UBXN11: variants seen among roughly 807,000 people sequenced by gnomAD.
UBXN11 encodes the protein UBX domain protein 11, also known as UBX domain-containing protein 11.
A neutral mutation model predicts 62.8 loss-of-function variants in UBXN11; 47 were observed. The observed-to-expected ratio is 0.75, with a 90% CI of 0.59 to 0.95. The LOEUF (loss-of-function observed/expected upper bound fraction) is 0.95. Among genes scored for constraint, UBXN11 ranks in the 40% least tolerant of loss-of-function variants. The pLI is 0.00. For missense variants in UBXN11, 638 were observed against 661.7 expected (o/e 0.96, Z 0.39); for synonymous variants, 294 against 267.0 (o/e 1.10, Z -0.99).
chr1:26,284,436 G>A lies in UBXN11; in HGVS notation c.899C>T (p.Pro300Leu). ...CACCACACGGCCCTCGCCTGGGAAG[G>A]GGTCCAGTCCATCCTCCAGGTAGAC... ...NQVYLEDGLD[P>L]FPGEGRVVGR... Residue 300 changes from proline (P) to leucine (L), a missense_variant, in exon 11 of 15, where the codon CCC (proline) becomes CTC (leucine). Transcript: ENST00000374222. The A allele has an allele frequency of 6.2e-7, 1 of 1,613,728 alleles. No individual in the cohort carries two copies. Among genetic ancestry groups the A allele is most frequent in the Admixed American group, 1.7e-5 (1 of 59,964 alleles).
chr1:26,297,599 C>T (rs2073424789), intron 5 of UBXN11, 118 bp from the exon 6 acceptor site: 1 of 1,243,382 alleles, frequency 8.0e-7, no homozygotes, highest in Non-Finnish European at 1.1e-6. Flanking sequence ...CCCTGCCACC[C>T]TTTGGCACAG....
At chr1:26,288,782 G>A (rs1163739616) in intron 8 of UBXN11, among the ~76,000 whole-genome samples, 1 of 152,188 alleles carries the variant, frequency 6.6e-6, no homozygotes, top group African/African-American at 2.4e-5. Context: ...ACAGCCCTGT[G>A]CCAAGCGCCA....
chr1:26,316,125 ATTTT>A (rs57889417), intron 1 of UBXN11, among the ~76,000 whole-genome samples: 1 of 91,462 alleles, frequency 1.1e-5, no homozygotes, highest in Non-Finnish European at 2.1e-5. Context: ...TGCCCGGCTA[ATTTT>A]TTTTTTTTTT....
chr1:26,292,924 G>A (rs1390577379), intron 8 of UBXN11, among the ~76,000 whole-genome samples: 3 of 152,124 alleles, frequency 2.0e-5, no homozygotes, highest in African/African-American at 2.4e-5. Context: ...CAGTGAGGGC[G>A]TTAGACCCTG....
chr1:26,286,096 C>T (rs2073127219), intron 8 of UBXN11, 59 bp from the exon 9 acceptor site: 4 of 1,478,878 alleles, frequency 2.7e-6, no homozygotes, highest in Non-Finnish European at 2.7e-6. Context: ...CCTAGCAGCC[C>T]TAGCCTCTGT....
At chr1:26,308,935 ATTTT>A (rs57323315), upstream of UBXN11, among the ~76,000 whole-genome samples, 4 of 108,272 alleles carry the variant, frequency 3.7e-5, no homozygotes, top group Non-Finnish European at 5.2e-5. Flanking sequence ...CAGTCGTTTG[ATTTT>A]TTTTTTTTTT....
At chr1:26,318,221 G>GACACA in exon 1 of UBXN11, 1 of 676,922 alleles carries the variant, frequency 1.5e-6, no homozygotes, top group East Asian at 2.6e-5. Flanking sequence ...GGACACAGCG[G>GACACA]GCCTGGCCGC....
intron 7 of UBXN11, among the ~76,000 whole-genome samples, chr1:26,294,664 G>A (rs527904120): frequency 2.4e-4 from 37 of 152,288 alleles, no homozygotes; most frequent in African/African-American, 7.9e-4. Context: ...CAGAAATCAC[G>A]TGGCCTGGCC....
rs1206019157 is a variant in UBXN11, at chr1:26,285,659, A to G, written c.775-118T>C. On this transcript the variant is annotated intron_variant, in intron 9 of 14. Transcript: ENST00000374222. ...TCACCCAGTGCCGCACTCTGGAAAC[A>G]TTCAGAGTCCCAGGCCTTGGGAGAG... 5 of 1,357,932 alleles carry G rather than the reference A, an allele frequency of 3.7e-6. No individual in the cohort carries two copies. In the East Asian group the frequency reaches 1.2e-4, roughly 34 times the overall value. The allele number at this position is 1,357,932 out of a possible 1,614,324, so 84.1% of individuals were successfully genotyped here.
chr1:26,308,965 G>C (rs1570143489), upstream of UBXN11, among the ~76,000 whole-genome samples: 1 of 90,824 alleles, frequency 1.1e-5, no homozygotes, highest in East Asian at 4.4e-4. Context: ...TTTGAGTCTT[G>C]CTCTGTCACC....
At chr1:26,315,528 G>A (rs1228541854) in intron 1 of UBXN11, among the ~76,000 whole-genome samples, 2 of 152,212 alleles carry the variant, frequency 1.3e-5, no homozygotes, top group Non-Finnish European at 2.9e-5. Context: ...AGAGACCTCT[G>A]GGTGAAAGGG....
intron 2 of UBXN11, 147 bp from the exon 3 acceptor site, chr1:26,301,869 TC>T: frequency 9.2e-7 from 1 of 1,085,126 alleles, no homozygotes; most frequent in Non-Finnish European, 1.3e-6. Context: ...CAGCCCCAAA[TC>T]CCAGCCCCAG....
At chr1:26,313,212 T>C (rs1033505204) in intron 1 of UBXN11, among the ~76,000 whole-genome samples, 1 of 152,086 alleles carries the variant, frequency 6.6e-6, no homozygotes, top group African/African-American at 2.4e-5. Context: ...CATTCTATCA[T>C]TGACCAAGGA....
chr1:26,284,461 C>A lies in UBXN11; in HGVS notation c.874G>T (p.Val292Phe), dbSNP rs1377770199. The A allele has an allele frequency of 6.2e-7, 1 of 1,606,800 alleles. No individual in the cohort carries two copies. The highest frequency in any genetic ancestry group is 1.1e-5 in the South Asian group (1 of 90,638). Residue 292 changes from valine (V) to phenylalanine (F), a missense_variant, in exon 11 of 15, where the codon GTC (valine) becomes TTC (phenylalanine). By Grantham distance (50) the Val-to-Phe change is conservative. Coordinates refer to ENST00000374222, the MANE Select transcript of UBXN11 (RefSeq NM_001389556.1). Reference sequence around the variant, plus strand: ...GGGTCCAGTCCATCCTCCAGGTAGACCTGATTGCGCAAGTCACTCACCTGG... The same window carrying A: ...GGGTCCAGTCCATCCTCCAGGTAGAACTGATTGCGCAAGTCACTCACCTGG... ...PFKVSDLRNQ[V>F]YLEDGLDPFP... is the part of the protein sequence containing the mutation.
chr1:26,291,328 G>A (rs2073260722), intron 8 of UBXN11, among the ~76,000 whole-genome samples: 1 of 152,154 alleles, frequency 6.6e-6, no homozygotes, highest in South Asian at 2.1e-4. Flanking sequence ...TGCTAGCGAC[G>A]AAAAACGTCA....
intron 8 of UBXN11, among the ~76,000 whole-genome samples, chr1:26,286,316 G>A (rs931569334): frequency 3.9e-5 from 6 of 152,206 alleles, no homozygotes; most frequent in African/African-American, 1.4e-4. Flanking sequence ...GAAACTGAGG[G>A]TTAGAGAAAG....
chr1:26,301,745 G>A (rs753917903), intron 2 of UBXN11, 23 bp from the exon 3 acceptor site: 1 of 1,613,678 alleles, frequency 6.2e-7, no homozygotes, highest in African/African-American at 1.3e-5. Flanking sequence ...GCAGGAAGAA[G>A]GAAGAAATAT....
rs577282070 is a variant in UBXN11 at position 26,295,398 on chromosome 1, C to A, written c.433-1067G>T. Among the ~76,000 whole-genome samples, 148 of 152,306 alleles carry A rather than the reference C, an allele frequency of 9.7e-4. 1 individual carries two copies. The highest frequency in any genetic ancestry group is 1.6e-3 in the Non-Finnish European group (111 of 68,028). ...CTCTCCTCACCCACACCACCCAACC[C>A]CACAAAGCAGGGTGGTCTTTTTGTC... On this transcript the variant is annotated intron_variant, in intron 7 of 14. Transcript: ENST00000374222.
At chr1:26,298,124 A>G (rs1436082119) in intron 4 of UBXN11, 62 bp from the exon 5 acceptor site, 1 of 1,525,310 alleles carries the variant, frequency 6.6e-7, no homozygotes, top group Non-Finnish European at 8.9e-7. Flanking sequence ...TGTGGGGGGG[A>G]GGGAGGAGGA....
Sources: gnomAD v4.1 joint callset for allele counts (sites outside exome capture counted in the v4.1 genomes callset) on GRCh38, gnomAD v4.1.1 for gene constraint, MANE v1.5 for transcripts, NCBI Gene and HGNC (gene_info 2026-07-23, HGNC 2026-07-21) for gene names.